The following WDPCP variants were observed in gnomAD, a reference collection of about 807,000 sequenced individuals.
WDPCP encodes WD repeat-containing and planar cell polarity effector protein fritz homolog.
WDPCP carries 71 observed loss-of-function variants against 93.1 expected under a neutral mutation model. That is an observed-to-expected ratio of 0.76 (90% CI 0.63 to 0.93). WDPCP has a LOEUF of 0.93. WDPCP is among the 40% of genes least tolerant of loss of function. WDPCP has a pLI of 0.00. For missense variants in WDPCP, 844 were observed against 887.4 expected (o/e 0.95, Z 0.62); for synonymous variants, 315 against 315.0 (o/e 1.00, Z 0.00).
At chr2:63,656,561 A>T (rs1046506600) in intron 2 of WDPCP, among the ~76,000 whole-genome samples, 4 of 152,250 alleles carry the variant, frequency 2.6e-5, no homozygotes, top group African/African-American at 9.6e-5. Flanking sequence ...GCAGCTAGTC[A>T]GAAATTACTC....
intron 2 of WDPCP, among the ~76,000 whole-genome samples, chr2:63,760,369 C>T (rs1206764905): frequency 1.3e-5 from 2 of 152,020 alleles, no homozygotes; most frequent in Admixed American, 6.6e-5. Flanking sequence ...GCATCTATAA[C>T]ACAGAGCGTT....
intron 17 of WDPCP, among the ~76,000 whole-genome samples, chr2:63,138,330 G>A (rs1670789058): frequency 6.6e-6 from 1 of 151,934 alleles, no homozygotes; most frequent in African/African-American, 2.4e-5. Flanking sequence ...GCTCAGCAGT[G>A]TATACCAGTG....
At chr2:63,306,443 A>G (rs949540722) in intron 13 of WDPCP, among the ~76,000 whole-genome samples, 11 of 152,228 alleles carry the variant, frequency 7.2e-5, no homozygotes, top group Non-Finnish European at 1.5e-4. Flanking sequence ...ACAAAAAAAG[A>G]AAATTTCAGC....
upstream of WDPCP, among the ~76,000 whole-genome samples, chr2:63,832,012 G>A (rs547327079): frequency 4.6e-5 from 7 of 152,170 alleles, no homozygotes; most frequent in Non-Finnish European, 7.4e-5. Context: ...TTTTCTTTGA[G>A]ACTACAATTA....
intron 2 of WDPCP, among the ~76,000 whole-genome samples, chr2:63,681,782 G>A (rs554728653): frequency 1.3e-5 from 2 of 152,290 alleles, no homozygotes; most frequent in East Asian, 3.9e-4. Context: ...CTCAGCAGTG[G>A]TGGCCACAGT....
chr2:63,230,111 GTGT>G (rs1329324122), intron 14 of WDPCP, among the ~76,000 whole-genome samples: 4 of 121,024 alleles, frequency 3.3e-5, no homozygotes. Flanking sequence ...ACAGGCCCTG[GTGT>G]GTGATGTTCC....
chr2:63,532,775 T>C (rs1287259044), intron 1 of WDPCP, among the ~76,000 whole-genome samples: 3 of 152,160 alleles, frequency 2.0e-5, no homozygotes, highest in African/African-American at 7.2e-5. Flanking sequence ...CTAAAGACCA[T>C]CAATGCTAGG....
intron 1 of WDPCP, among the ~76,000 whole-genome samples, chr2:63,521,370 A>C (rs913610344): frequency 2.6e-5 from 4 of 152,228 alleles, no homozygotes; most frequent in Non-Finnish European, 4.4e-5. Flanking sequence ...AAAATCTACC[A>C]AACAAATGGA....
At chr2:63,544,604 C>T (rs752792396) in intron 1 of WDPCP, among the ~76,000 whole-genome samples, 5 of 151,916 alleles carry the variant, frequency 3.3e-5, no homozygotes, top group Admixed American at 6.6e-5. Flanking sequence ...TGGGCAAAAG[C>T]GATAATGGTG....
chr2:63,707,656 T>C (rs1422063766), intron 2 of WDPCP, among the ~76,000 whole-genome samples: 1 of 152,242 alleles, frequency 6.6e-6, no homozygotes, highest in Non-Finnish European at 1.5e-5. Context: ...CCAGCTTTGT[T>C]CCGTTGCTGG....
intron 14 of WDPCP, among the ~76,000 whole-genome samples, chr2:63,200,131 T>G (rs1424306263): frequency 6.6e-6 from 1 of 152,186 alleles, no homozygotes; most frequent in East Asian, 1.9e-4. Flanking sequence ...CCAATGCCTG[T>G]ACCCCCATTG....
chr2:63,143,367 T>C (rs535987583), intron 17 of WDPCP, among the ~76,000 whole-genome samples: 3 of 152,360 alleles, frequency 2.0e-5, no homozygotes, highest in African/African-American at 7.2e-5. Flanking sequence ...TGAGTTCTTA[T>C]CCATTCTGTG....
chr2:63,834,329 T>A, the WDPCP span, among the ~76,000 whole-genome samples: 22 of 152,366 alleles, frequency 1.4e-4, no homozygotes, highest in Middle Eastern at 0.01. Flanking sequence ...TTCAGTAAGT[T>A]GCTGACCTCT....
chr2:63,238,910 C>T (rs563062387), intron 14 of WDPCP, among the ~76,000 whole-genome samples: 171 of 152,228 alleles, frequency 1.1e-3, no homozygotes, highest in Non-Finnish European at 1.4e-3. Context: ...CAAAAAACAA[C>T]CAATTTGTAG....
intron 3 of WDPCP, among the ~76,000 whole-genome samples, chr2:63,610,166 A>G (rs571414103): frequency 6.6e-6 from 1 of 152,320 alleles, no homozygotes; most frequent in African/African-American, 2.4e-5. Flanking sequence ...TGAAAAGCCT[A>G]TGCCTTTCCT....
chr2:63,724,552 T>G (rs1321149980), intron 2 of WDPCP, among the ~76,000 whole-genome samples: 1 of 152,196 alleles, frequency 6.6e-6, no homozygotes, highest in Non-Finnish European at 1.5e-5. Context: ...CCAATGCTTA[T>G]GGGAGCATCA....
intron 2 of WDPCP, among the ~76,000 whole-genome samples, chr2:63,799,996 G>T (rs2104030882): frequency 6.6e-6 from 1 of 152,158 alleles, no homozygotes; most frequent in African/African-American, 2.4e-5. Flanking sequence ...GATTTTGCTT[G>T]TTCTGTTTTT....
intron 2 of WDPCP, among the ~76,000 whole-genome samples, chr2:63,779,792 TA>T (rs1002349049): frequency 3.3e-5 from 5 of 152,140 alleles, no homozygotes; most frequent in African/African-American, 1.2e-4. Flanking sequence ...AAATACTGTT[TA>T]AAAAAACCCT....
At chr2:63,321,858 T>C (rs1378567311) in intron 12 of WDPCP, among the ~76,000 whole-genome samples, 1 of 152,208 alleles carries the variant, frequency 6.6e-6, no homozygotes, top group Non-Finnish European at 1.5e-5. Context: ...ATTAATGTAA[T>C]TCTCTTGAGC....
Sources: gnomAD v4.1 joint callset for allele counts (sites outside exome capture counted in the v4.1 genomes callset) on GRCh38, gnomAD v4.1.1 for gene constraint, MANE v1.5 for transcripts, NCBI Gene and HGNC (gene_info 2026-07-23, HGNC 2026-07-21) for gene names.